Variants in PDE1C observed in about 807,000 individuals in gnomAD.
The protein encoded by PDE1C is dual specificity calcium/calmodulin-dependent 3',5'-cyclic nucleotide phosphodiesterase 1C.
In PDE1C, 62 loss-of-function variants were observed where a neutral mutation model predicts 93.1. That is an observed-to-expected ratio of 0.67 (90% CI 0.54 to 0.82). The LOEUF (loss-of-function observed/expected upper bound fraction) is 0.82, where lower values mean the gene tolerates loss of function less well. Among genes scored for constraint, PDE1C ranks in the 40% least tolerant of loss-of-function variants. The pLI is 0.00. For missense variants in PDE1C, 742 were observed against 884.6 expected (o/e 0.84, Z 2.04); for synonymous variants, 325 against 310.1 (o/e 1.05, Z -0.50).
At chr7:31,933,432 C>G (rs1249944074) in intron 2 of PDE1C, among the ~76,000 whole-genome samples, 1 of 152,026 alleles carries the variant, frequency 6.6e-6, no homozygotes, top group Admixed American at 6.6e-5. Context: ...AATAGAGGAG[C>G]CTTTTGTTTT....
the PDE1C span, among the ~76,000 whole-genome samples, chr7:31,701,213 G>A: frequency 6.6e-6 from 1 of 152,340 alleles, no homozygotes; most frequent in Non-Finnish European, 1.5e-5. Flanking sequence ...ACTCAAGGGA[G>A]GAGGTCAAAA....
At chr7:32,294,240 A>C (rs997162949) in intron 1 of PDE1C, among the ~76,000 whole-genome samples, 9 of 152,218 alleles carry the variant, frequency 5.9e-5, no homozygotes, top group Admixed American at 5.9e-4. Flanking sequence ...CCTCTGGTAC[A>C]ACCCAAGGAG....
chr7:31,861,731 C>G (rs1239224447), intron 7 of PDE1C, among the ~76,000 whole-genome samples: 2 of 152,138 alleles, frequency 1.3e-5, no homozygotes, highest in African/African-American at 4.8e-5. Flanking sequence ...CTAGTCCAAA[C>G]TATCAGCATC....
chr7:32,315,165 A>G (rs1783141688), intron 1 of PDE1C, among the ~76,000 whole-genome samples: 1 of 150,630 alleles, frequency 6.6e-6, no homozygotes, highest in South Asian at 2.1e-4. Flanking sequence ...AAGAAAATAC[A>G]CTAAAGAAAG....
the PDE1C span, among the ~76,000 whole-genome samples, chr7:31,687,749 T>C: frequency 1.3e-5 from 2 of 152,204 alleles, no homozygotes; most frequent in African/African-American, 4.8e-5. Flanking sequence ...CTGAATTCAA[T>C]CCTCTGGTTA....
At chr7:31,836,574 C>A (rs1380968998) in intron 11 of PDE1C, among the ~76,000 whole-genome samples, 3 of 152,086 alleles carry the variant, frequency 2.0e-5, no homozygotes, top group Non-Finnish European at 2.9e-5. Context: ...ACCTCATGAT[C>A]CACCCGCCTT....
At chr7:32,219,013 A>C (rs567049055) in intron 1 of PDE1C, among the ~76,000 whole-genome samples, 1 of 152,236 alleles carries the variant, frequency 6.6e-6, no homozygotes, top group East Asian at 1.9e-4. Flanking sequence ...TTCCTGGTAC[A>C]TATCATTCAA....
At chr7:31,942,139 G>A (rs779658317) in intron 2 of PDE1C, among the ~76,000 whole-genome samples, 4 of 152,070 alleles carry the variant, frequency 2.6e-5, no homozygotes, top group Non-Finnish European at 5.9e-5. Flanking sequence ...GTCTTCCTAA[G>A]AGCAGCATGG....
intron 1 of PDE1C, among the ~76,000 whole-genome samples, chr7:32,320,622 TACACACAC>T (rs58913478): frequency 4.7e-5 from 7 of 149,552 alleles, no homozygotes; most frequent in African/African-American, 1.5e-4. Flanking sequence ...GGCACACACA[TACACACAC>T]ACACACACAC....
chr7:32,207,374 TTATCA>T lies in PDE1C; in HGVS notation c.136+2110_136+2114del, dbSNP rs1805660233. Among the ~76,000 whole-genome samples, 10 of 149,384 alleles carry T rather than the reference TTATCA, an allele frequency of 6.7e-5. No individual in the cohort carries two copies. In the South Asian group the frequency reaches 2.1e-3, roughly 31 times the overall value. ...CAGTCTCAAAAAAAAAAAAAAAAAC[TTATCA>T]TCCGAATCCTCCCAATCTTCCCAAA... On this transcript the variant is annotated intron_variant, in intron 2 of 18. Coordinates refer to the PDE1C transcript ENST00000396193.
chr7:31,671,639 TA>T, the PDE1C span, among the ~76,000 whole-genome samples: 1 of 152,134 alleles, frequency 6.6e-6, no homozygotes, highest in South Asian at 2.1e-4. Flanking sequence ...ATGCTCAGGC[TA>T]GGGGGAGTCA....
the PDE1C span, among the ~76,000 whole-genome samples, chr7:31,725,437 G>T: frequency 6.6e-6 from 1 of 152,178 alleles, no homozygotes; most frequent in Non-Finnish European, 1.5e-5. Flanking sequence ...GCTAAATGGG[G>T]CATTTCTTAC....
intron 2 of PDE1C, among the ~76,000 whole-genome samples, chr7:31,930,239 C>G (rs1460254243): frequency 1.3e-5 from 2 of 152,134 alleles, no homozygotes; most frequent in African/African-American, 4.8e-5. Flanking sequence ...AGACCAATAA[C>G]AAGTTCTGAA....
intron 2 of PDE1C, among the ~76,000 whole-genome samples, chr7:31,946,920 G>A (rs1806696242): frequency 6.6e-6 from 1 of 152,194 alleles, no homozygotes; most frequent in Admixed American, 6.5e-5. Context: ...ACTGTATCAG[G>A]CAGGAGGAAC....
intron 2 of PDE1C, among the ~76,000 whole-genome samples, chr7:32,023,828 G>T (rs1447053991): frequency 6.6e-6 from 1 of 152,112 alleles, no homozygotes; most frequent in Non-Finnish European, 1.5e-5. Context: ...AGAGGCTGTT[G>T]ATTGTGGAGG....
At position 31,804,390 on chromosome 7, in the gene PDE1C, C is replaced by T. The variant is rs558706932; in HGVS notation, c.1891+4641G>A. Among the ~76,000 whole-genome samples the T allele has an allele frequency of 2.3e-3, 343 of 151,866 alleles. 1 individual carries two copies. The highest frequency in any genetic ancestry group is 4.0e-3 in the Non-Finnish European group (269 of 67,836). On this transcript the variant is annotated intron_variant, in intron 16 of 17. Transcript: ENST00000396191. ...GAGCATCAGGACTGTTCCCTCTAATCCTCTTGGATGGTTCTGTTCTGGCCT... is the reference window on the plus strand; with the variant it reads ...GAGCATCAGGACTGTTCCCTCTAATTCTCTTGGATGGTTCTGTTCTGGCCT...
Position 32,175,435 on chromosome 7 carries a change from A to C in PDE1C, c.137-5479T>G, listed in dbSNP as rs142528491. On this transcript the variant is annotated intron_variant, in intron 2 of 18. Coordinates refer to the PDE1C transcript ENST00000396193. Reference sequence around the variant, plus strand: ...TTTATTGCTGAAATAAAAAATGCTAACAATCATCTGAGCCTTCAAGCAGAG... The same window carrying C: ...TTTATTGCTGAAATAAAAAATGCTACCAATCATCTGAGCCTTCAAGCAGAG... Among the ~76,000 whole-genome samples, 589 of 152,318 alleles carry C rather than the reference A, an allele frequency of 3.9e-3. 3 individuals carry two copies. The highest frequency in any genetic ancestry group is 0.013 in the African/African-American group (550 of 41,574).
intron 16 of PDE1C, chr7:31,784,932 A>G (rs1459521522): frequency 6.6e-6 from 1 of 152,068 alleles, no homozygotes; most frequent in Non-Finnish European, 1.5e-5. Context: ...CTGTACCATC[A>G]CACATATACC....
intron 1 of PDE1C, among the ~76,000 whole-genome samples, chr7:32,237,768 T>TAC (rs1415805492): frequency 0.1 from 1,082 of 10,440 alleles, 6 homozygotes; most frequent in African/African-American, 0.18. Flanking sequence ...ATATACTTTT[T>TAC]TTTTTTTTTT....
Sources: allele counts gnomAD v4.1 joint callset (sites outside exome capture counted in the v4.1 genomes callset), GRCh38; gene constraint gnomAD v4.1.1; transcripts MANE v1.5; gene names NCBI Gene and HGNC (gene_info 2026-07-23, HGNC 2026-07-21).